Variants in EFCAB6 observed in about 807,000 individuals in gnomAD.
EFCAB6 encodes EF-hand calcium-binding domain-containing protein 6.
Under a neutral mutation model 169.8 loss-of-function variants are expected in EFCAB6, and 156 were observed. The observed-to-expected ratio is 0.92, with a 90% CI of 0.81 to 1.05. The LOEUF (loss-of-function observed/expected upper bound fraction) is 1.05, where lower values mean the gene tolerates loss of function less well. Ranked by LOEUF, EFCAB6 falls within the 50% of genes least tolerant of loss-of-function variation. The probability of loss-of-function intolerance (pLI) is 0.00; values close to 1 mark genes in which losing one functional copy is unlikely to be tolerated. For missense variants in EFCAB6, 1,800 were observed against 1,829.1 expected (o/e 0.98, Z 0.29); for synonymous variants, 698 against 676.4 (o/e 1.03, Z -0.50).
At chr22:43,776,985 A>C (rs1291414628) in intron 3 of EFCAB6, among the ~76,000 whole-genome samples, 1 of 152,218 alleles carries the variant, frequency 6.6e-6, no homozygotes, top group Non-Finnish European at 1.5e-5. Flanking sequence ...AAGGTCTAGG[A>C]GGTAACTGTG....
chr22:43,765,256 CTCA>C (rs2061290654), intron 5 of EFCAB6, 46 bp downstream of exon 5: 3 of 1,426,186 alleles, frequency 2.1e-6, no homozygotes, highest in Non-Finnish European at 3.0e-6. Context: ...ATAGCTCTTA[CTCA>C]TCATTTCAAA....
At position 43,703,761 on chromosome 22, in the gene EFCAB6, G is replaced by A. The variant is rs577109752; in HGVS notation, c.1031+7714C>T. ...AAGCTTCAACAGCATGCTCATTCAA[G>A]CTGAAGAAGGAATCAATGAGCTTGA... On this transcript the variant is annotated intron_variant, in intron 10 of 31. Transcript: ENST00000262726. Among the ~76,000 whole-genome samples, 3 of 151,338 alleles carry A rather than the reference G, an allele frequency of 2.0e-5. No individual in the cohort carries two copies. In the South Asian group the frequency reaches 6.3e-4, roughly 32 times the overall value.
At chr22:43,574,868 C>T (rs1409180008) in intron 26 of EFCAB6, among the ~76,000 whole-genome samples, 2 of 152,140 alleles carry the variant, frequency 1.3e-5, no homozygotes, top group Non-Finnish European at 2.9e-5. Context: ...TTTAACAATA[C>T]CAAGGGACAG....
intron 7 of EFCAB6, among the ~76,000 whole-genome samples, chr22:43,734,660 A>G (rs1452974141): frequency 6.6e-6 from 1 of 152,148 alleles, no homozygotes; most frequent in African/African-American, 2.4e-5. Context: ...TATTCTGGAC[A>G]CTTTCCCAGC....
At chr22:43,708,624 A>C (rs1473930438) in intron 10 of EFCAB6, among the ~76,000 whole-genome samples, 1 of 152,234 alleles carries the variant, frequency 6.6e-6, no homozygotes, top group African/African-American at 2.4e-5. Flanking sequence ...AATACCTAAA[A>C]TATCACAATA....
chr22:43,643,614 T>C (rs1364584043), intron 17 of EFCAB6, among the ~76,000 whole-genome samples: 2 of 152,198 alleles, frequency 1.3e-5, no homozygotes, highest in African/African-American at 4.8e-5. Context: ...TGCTTCCTTT[T>C]GCACAGGCTC....
At chr22:43,698,564 C>G (rs2058661359) in intron 10 of EFCAB6, among the ~76,000 whole-genome samples, 1 of 152,150 alleles carries the variant, frequency 6.6e-6, no homozygotes, top group Non-Finnish European at 1.5e-5. Context: ...CCCATATCAC[C>G]CAGCATAGGT....
intron 17 of EFCAB6, among the ~76,000 whole-genome samples, chr22:43,656,491 G>A (rs867017950): frequency 1.3e-5 from 2 of 152,154 alleles, no homozygotes; most frequent in Non-Finnish European, 2.9e-5. Flanking sequence ...ATGCTGTTAT[G>A]GACCGCATAA....
intron 27 of EFCAB6, 69 bp from the exon 28 acceptor site, chr22:43,540,426 C>T (rs774590537): frequency 2.5e-6 from 4 of 1,604,128 alleles, no homozygotes; most frequent in African/African-American, 2.7e-5. Context: ...CCTGTGCCAG[C>T]GAGAAGTGGG....
intron 2 of EFCAB6, among the ~76,000 whole-genome samples, chr22:43,784,318 C>G (rs1285942947): frequency 6.6e-6 from 1 of 151,554 alleles, no homozygotes; most frequent in Non-Finnish European, 1.5e-5. Flanking sequence ...GAATGTGTTG[C>G]CAGCAGACTT....
At chr22:43,771,441 TAA>T (rs1491355839) in intron 4 of EFCAB6, among the ~76,000 whole-genome samples, 1 of 151,902 alleles carries the variant, frequency 6.6e-6, no homozygotes, top group East Asian at 1.9e-4. Context: ...AAATAAAAAA[TAA>T]ATTAATTAAT....
intron 4 of EFCAB6, among the ~76,000 whole-genome samples, chr22:43,766,869 T>C (rs2061340404): frequency 6.6e-6 from 1 of 151,704 alleles, no homozygotes; most frequent in South Asian, 2.1e-4. Flanking sequence ...ATTTATTTAA[T>C]TTTTTTTTGA....
At chr22:43,695,537 T>C (rs1176085507) in intron 10 of EFCAB6, among the ~76,000 whole-genome samples, 1 of 152,050 alleles carries the variant, frequency 6.6e-6, no homozygotes, top group Non-Finnish European at 1.5e-5. Context: ...CAAATGATTT[T>C]GAAATAGAAA....
chr22:43,771,678 T>C (rs902723130), intron 4 of EFCAB6, among the ~76,000 whole-genome samples: 14 of 152,222 alleles, frequency 9.2e-5, no homozygotes, highest in African/African-American at 2.4e-5. Flanking sequence ...CACAGATTTT[T>C]ACTCCTTTCA....
chr22:43,617,103 A>G (rs1481908452), intron 20 of EFCAB6, among the ~76,000 whole-genome samples: 2 of 152,246 alleles, frequency 1.3e-5, no homozygotes, highest in Non-Finnish European at 2.9e-5. Context: ...ACTCTGCAGA[A>G]TCATGGAATT....
At chr22:43,631,660 G>A (rs981654703) in intron 19 of EFCAB6, among the ~76,000 whole-genome samples, 8 of 152,042 alleles carry the variant, frequency 5.3e-5, no homozygotes, top group Non-Finnish European at 1.2e-4. Flanking sequence ...TACCATCTGT[G>A]TCTGGGATTA....
At chr22:43,714,058 T>C (rs890427424) in intron 9 of EFCAB6, among the ~76,000 whole-genome samples, 2 of 152,118 alleles carry the variant, frequency 1.3e-5, no homozygotes, top group African/African-American at 4.8e-5. Context: ...AATGATAAAA[T>C]AACTTTTTAG....
At chr22:43,697,966 G>A (rs552951744) in intron 10 of EFCAB6, among the ~76,000 whole-genome samples, 5 of 152,162 alleles carry the variant, frequency 3.3e-5, no homozygotes, top group Non-Finnish European at 7.4e-5. Flanking sequence ...GGGACCCATG[G>A]GAATTCATGG....
intron 26 of EFCAB6, among the ~76,000 whole-genome samples, chr22:43,566,257 C>T (rs908591162): frequency 2.8e-4 from 42 of 152,288 alleles, no homozygotes; most frequent in Middle Eastern, 3.4e-3. Context: ...GATTTCCAGG[C>T]GCAGTTCCAG....
Sources: gnomAD v4.1 joint callset for allele counts (sites outside exome capture counted in the v4.1 genomes callset) on GRCh38, gnomAD v4.1.1 for gene constraint, MANE v1.5 for transcripts, NCBI Gene and HGNC (gene_info 2026-07-23, HGNC 2026-07-21) for gene names.